Variants in ST8SIA4 observed in about 807,000 individuals in gnomAD.
ST8SIA4 encodes ST8 alpha-N-acetyl-neuraminide alpha-2,8-sialyltransferase 4.
In ST8SIA4, 15 loss-of-function variants were observed where a neutral mutation model predicts 33.9. That is an observed-to-expected ratio of 0.44 (90% CI 0.30 to 0.68). The LOEUF is 0.68. Among genes scored for constraint, ST8SIA4 ranks in the 30% least tolerant of loss-of-function variants. The pLI, the probability that ST8SIA4 is intolerant of heterozygous loss-of-function variation, is 0.10. For missense variants in ST8SIA4, 321 were observed against 428.0 expected, an observed-to-expected ratio of 0.75 and a Z score of 2.21; for synonymous variants, 171 against 151.2, an observed-to-expected ratio of 1.13 and a Z score of -0.96.
At chr5:100,861,569 G>T (rs991675701) in intron 3 of ST8SIA4, among the ~76,000 whole-genome samples, 3 of 152,052 alleles carry the variant, frequency 2.0e-5, no homozygotes, top group African/African-American at 7.2e-5. Context: ...GGGGAAGCGT[G>T]CCAAGGAAAA....
At chr5:100,855,863 TC>T (rs1389113723) in intron 4 of ST8SIA4, among the ~76,000 whole-genome samples, 3 of 152,346 alleles carry the variant, frequency 2.0e-5, no homozygotes, top group East Asian at 3.9e-4. Context: ...AGTAGTTTGT[TC>T]ATGAACACAC....
chr5:100,813,053 G>A (rs1750846308), intron 4 of ST8SIA4, among the ~76,000 whole-genome samples: 1 of 152,014 alleles, frequency 6.6e-6, no homozygotes, highest in Non-Finnish European at 1.5e-5. Context: ...TCTATTTGGA[G>A]AGATATGTGC....
At chr5:100,888,587 C>T (rs1041407126) in intron 2 of ST8SIA4, among the ~76,000 whole-genome samples, 10 of 151,834 alleles carry the variant, frequency 6.6e-5, no homozygotes, top group African/African-American at 2.4e-4. Context: ...ATGATGGAAA[C>T]ATTTTTCCTC....
At chr5:100,828,279 G>A (rs1213782248) in intron 4 of ST8SIA4, among the ~76,000 whole-genome samples, 2 of 152,156 alleles carry the variant, frequency 1.3e-5, no homozygotes, top group African/African-American at 4.8e-5. Flanking sequence ...GATACGTGCT[G>A]AAATAAGGAA....
At chr5:100,848,757 G>A (rs748831661) in intron 4 of ST8SIA4, among the ~76,000 whole-genome samples, 1 of 150,332 alleles carries the variant, frequency 6.7e-6, no homozygotes, top group African/African-American at 2.4e-5. Context: ...AAAAAGTTAC[G>A]CATTTTTAAA....
At chr5:100,867,417 A>G in intron 3 of ST8SIA4, among the ~76,000 whole-genome samples, 1 of 152,208 alleles carries the variant, frequency 6.6e-6, no homozygotes, top group African/African-American at 2.4e-5. Flanking sequence ...GATTCAGCAT[A>G]GTACTTAAGT....
Position 100,841,509 on chromosome 5 carries a change from C to G in ST8SIA4, c.797+14594G>C, listed in dbSNP as rs539748691. 2.0e-5 allele frequency among the ~76,000 whole-genome samples: 3 copies of G among 151,980 alleles called. No individual in the cohort carries two copies. In the East Asian group the frequency reaches 5.8e-4, roughly 29 times the overall value. ...TACACCAAGTAACCAATGGAAACCT[C>G]TAGAGGGTATTTAAACACTAGAAAA... On this transcript the variant is annotated intron_variant, in intron 4 of 4. Coordinates refer to ENST00000231461, the MANE Select transcript of ST8SIA4 (RefSeq NM_005668.6).
intron 2 of ST8SIA4, chr5:100,890,647 G>C (rs1752641681): frequency 6.6e-6 from 1 of 151,754 alleles, no homozygotes. Context: ...TTCTGTGCAT[G>C]ACTCAAAAGA....
intron 4 of ST8SIA4, among the ~76,000 whole-genome samples, chr5:100,845,362 C>A (rs979115332): frequency 6.6e-6 from 1 of 151,662 alleles, no homozygotes; most frequent in Non-Finnish European, 1.5e-5. Flanking sequence ...TAACTTTAAA[C>A]TCCCAACTAT....
chr5:100,811,797 C>A lies in ST8SIA4; in HGVS notation c.*50G>T, dbSNP rs375084549. 3.7e-5 allele frequency: 57 copies of A among 1,531,052 alleles called. No homozygotes were observed. The highest frequency in any genetic ancestry group is 1.0e-4 in the Admixed American group (5 of 49,500). The allele number at this position is 1,531,052 out of a possible 1,614,324, so 94.8% of individuals were successfully genotyped here. Reference sequence around the variant, plus strand: ...GTTTTGGATCCTATTTTCAAATCTTCGGAAGCATCTTCAGAAAAGAAGTGC... The same window carrying A: ...GTTTTGGATCCTATTTTCAAATCTTAGGAAGCATCTTCAGAAAAGAAGTGC... On this transcript the variant is annotated 3_prime_UTR_variant, in exon 5 of 5. Coordinates refer to ENST00000231461, the MANE Select transcript of ST8SIA4 (RefSeq NM_005668.6).
intron 4 of ST8SIA4, among the ~76,000 whole-genome samples, chr5:100,841,511 AGAGG>A (rs766001368): frequency 6.6e-6 from 1 of 151,896 alleles, no homozygotes; most frequent in Non-Finnish European, 1.5e-5. Context: ...GGAAACCTCT[AGAGG>A]GTATTTAAAC....
chr5:100,830,537 T>C (rs2112414022), intron 4 of ST8SIA4, among the ~76,000 whole-genome samples: 1 of 152,380 alleles, frequency 6.6e-6, no homozygotes, highest in South Asian at 2.1e-4. Flanking sequence ...ATGCAGCAGA[T>C]ATCCGTATAC....
intron 3 of ST8SIA4, among the ~76,000 whole-genome samples, chr5:100,876,609 A>C (rs1752313266): frequency 6.6e-6 from 1 of 152,078 alleles, no homozygotes; most frequent in Non-Finnish European, 1.5e-5. Context: ...TTGCTATTTA[A>C]GGAATCTCGT....
intron 4 of ST8SIA4, among the ~76,000 whole-genome samples, chr5:100,829,252 T>C (rs941962045): frequency 6.6e-6 from 1 of 152,120 alleles, no homozygotes; most frequent in Non-Finnish European, 1.5e-5. Context: ...ACTGTCTCTC[T>C]CTCCCCTCCA....
chr5:100,863,556 CTTCT>C (rs1406163794), intron 3 of ST8SIA4, among the ~76,000 whole-genome samples: 1 of 152,048 alleles, frequency 6.6e-6, no homozygotes. Flanking sequence ...AAATTTTTAT[CTTCT>C]TTCTCTTCAA....
At chr5:100,849,736 A>C (rs1751649747) in intron 4 of ST8SIA4, among the ~76,000 whole-genome samples, 1 of 152,178 alleles carries the variant, frequency 6.6e-6, no homozygotes, top group South Asian at 2.1e-4. Context: ...CGGAGGTTGC[A>C]GTGAGCCGAT....
chr5:100,898,046 A>G (rs1442286620), intron 1 of ST8SIA4, among the ~76,000 whole-genome samples: 3 of 152,214 alleles, frequency 2.0e-5, no homozygotes, highest in African/African-American at 4.8e-5. Flanking sequence ...ATTTCTAATC[A>G]TCACCTTATT....
chr5:100,809,730 C>T lies in ST8SIA4; in HGVS notation c.*2117G>A, dbSNP rs1452654438. ...TTTACATTCAAAACATGTATCTATT[C>T]TCTTACAATTTCTGATAGATAAGAG... On this transcript the variant is annotated 3_prime_UTR_variant, in exon 5 of 5. Coordinates refer to ENST00000231461, the MANE Select transcript of ST8SIA4 (RefSeq NM_005668.6). 1.3e-5 allele frequency: 2 copies of T among 152,102 alleles called. No individual in the cohort carries two copies. Among genetic ancestry groups the T allele is most frequent in the African/African-American group, 2.4e-5 (1 of 41,400 alleles). 9.4% of individuals were successfully genotyped at this position (152,102 alleles called of 1,614,324 possible).
rs536737432 is a variant in ST8SIA4, at chr5:100,903,018, C to T, written c.-63G>A. 1 of 1,205,430 alleles carries T rather than the reference C, an allele frequency of 8.3e-7. No individual in the cohort carries two copies. Among genetic ancestry groups the T allele is most frequent in the African/African-American group, 1.5e-5 (1 of 66,510 alleles). 74.7% of individuals were successfully genotyped at this position (1,205,430 alleles called of 1,614,324 possible). A position where few individuals can be genotyped will look rare whatever the true frequency, so the allele number is the denominator to read the frequency against. On this transcript the variant is annotated 5_prime_UTR_variant, in exon 1 of 5. Coordinates refer to ENST00000231461, the MANE Select transcript of ST8SIA4 (RefSeq NM_005668.6). ...CGCACCTTCTCTTGATATAAAGGCT[C>T]CGTTTTGGGGAGATAGTCGCGGGGG...
Sources: gnomAD v4.1 joint callset for allele counts (sites outside exome capture counted in the v4.1 genomes callset) on GRCh38, gnomAD v4.1.1 for gene constraint, MANE v1.5 for transcripts, NCBI Gene and HGNC (gene_info 2026-07-23, HGNC 2026-07-21) for gene names.